OLA1: variants seen among roughly 807,000 people sequenced by gnomAD.
OLA1 encodes Obg like ATPase 1.
OLA1 carries 14 observed loss-of-function variants against 48.4 expected under a neutral mutation model. The observed-to-expected ratio is 0.29, with a 90% CI of 0.19 to 0.45. OLA1 has a LOEUF of 0.45. Ranked by LOEUF, OLA1 falls within the 20% of genes least tolerant of loss-of-function variation. The probability of loss-of-function intolerance (pLI) is 1.00; values close to 1 mark genes in which losing one functional copy is unlikely to be tolerated. For synonymous variants in OLA1, 127 were observed against 150.4 expected (o/e 0.84, Z 1.14); for missense variants, 325 against 467.1 (o/e 0.70, Z 2.80).
At chr2:174,222,458 T>C (rs1488618792) in intron 4 of OLA1, among the ~76,000 whole-genome samples, 1 of 152,036 alleles carries the variant, frequency 6.6e-6, no homozygotes, top group Non-Finnish European at 1.5e-5. Context: ...ACCTAAACTC[T>C]ATTTTGTCAG....
chr2:174,082,172 T>C, intron 7 of OLA1, 108 bp from the exon 8 acceptor site: 1 of 1,227,260 alleles, frequency 8.1e-7, no homozygotes, highest in South Asian at 1.4e-5. Context: ...CACGGTTTTA[T>C]GATGCCATCT....
intron 4 of OLA1, among the ~76,000 whole-genome samples, chr2:174,144,862 G>A (rs921610889): frequency 6.9e-6 from 1 of 144,006 alleles, no homozygotes; most frequent in African/African-American, 2.6e-5. Flanking sequence ...GTGGGAGACT[G>A]CTTGAACCCG....
chr2:174,246,555 A>C (rs1302041605), intron 2 of OLA1, among the ~76,000 whole-genome samples, 160 bp downstream of exon 2: 3 of 152,184 alleles, frequency 2.0e-5, no homozygotes, highest in Non-Finnish European at 2.9e-5. Flanking sequence ...AAATCAATAA[A>C]ATACATCTAA....
At chr2:174,221,463 A>C (rs1688500460) in intron 4 of OLA1, among the ~76,000 whole-genome samples, 1 of 152,110 alleles carries the variant, frequency 6.6e-6, no homozygotes, top group South Asian at 2.1e-4. Context: ...CTGAAACCTT[A>C]TCAGGGAATC....
At chr2:174,173,254 T>C (rs527860887) in intron 4 of OLA1, among the ~76,000 whole-genome samples, 1 of 152,334 alleles carries the variant, frequency 6.6e-6, no homozygotes, top group African/African-American at 2.4e-5. Context: ...TTTAGTCATC[T>C]AATAAGAAGA....
chr2:174,092,800 T>C (rs1243667241), intron 7 of OLA1, among the ~76,000 whole-genome samples: 1 of 152,142 alleles, frequency 6.6e-6, no homozygotes, highest in East Asian at 1.9e-4. Context: ...AACTGTGAAG[T>C]GAAAATCACA....
At chr2:174,172,902 T>C (rs1687341192) in intron 4 of OLA1, among the ~76,000 whole-genome samples, 1 of 152,130 alleles carries the variant, frequency 6.6e-6, no homozygotes, top group South Asian at 2.1e-4. Context: ...CTGAGTTCAG[T>C]GCGATCTGGT....
At chr2:174,089,330 A>T (rs1685054785) in intron 7 of OLA1, among the ~76,000 whole-genome samples, 1 of 152,232 alleles carries the variant, frequency 6.6e-6, no homozygotes, top group Non-Finnish European at 1.5e-5. Flanking sequence ...AAGGACTTTG[A>T]AAATAAACGC....
chr2:174,143,189 G>A (rs896188009), intron 4 of OLA1, among the ~76,000 whole-genome samples: 1 of 152,156 alleles, frequency 6.6e-6, no homozygotes, highest in Non-Finnish European at 1.5e-5. Context: ...TACAATTAAA[G>A]TATAGGTATG....
chr2:174,104,191 C>T (rs1044912295), intron 7 of OLA1, among the ~76,000 whole-genome samples: 1 of 151,368 alleles, frequency 6.6e-6, no homozygotes, highest in South Asian at 2.1e-4. Context: ...TACTTAATTA[C>T]CCGAAGGACA....
At chr2:174,228,396 G>A (rs1688658668) in intron 3 of OLA1, among the ~76,000 whole-genome samples, 1 of 152,006 alleles carries the variant, frequency 6.6e-6, no homozygotes, top group Admixed American at 6.6e-5. Context: ...AGTAAAACAA[G>A]TATTCTATTT....
chr2:174,183,405 G>C (rs1687590516), intron 4 of OLA1, among the ~76,000 whole-genome samples: 1 of 152,184 alleles, frequency 6.6e-6, no homozygotes, highest in African/African-American at 2.4e-5. Context: ...CTAGGGCAGA[G>C]AAAACAGGTG....
intron 1 of OLA1, chr2:174,247,775 T>C (rs1689159375): frequency 6.4e-7 from 1 of 1,550,534 alleles, no homozygotes; most frequent in African/African-American, 1.4e-5. Context: ...GGTTACTATT[T>C]CTAATGGTAA....
chr2:174,130,350 G>A (rs567368599), intron 5 of OLA1, among the ~76,000 whole-genome samples: 7 of 152,316 alleles, frequency 4.6e-5, no homozygotes, highest in South Asian at 2.1e-4. Flanking sequence ...ATGACTATGC[G>A]TGTATGGGGG....
At chr2:174,175,674 A>T (rs943607490) in intron 4 of OLA1, among the ~76,000 whole-genome samples, 1 of 152,070 alleles carries the variant, frequency 6.6e-6, no homozygotes, top group Non-Finnish European at 1.5e-5. Context: ...TTATAAAGCT[A>T]AACATACAGT....
At chr2:174,240,613 A>G (rs1344435225) in intron 2 of OLA1, among the ~76,000 whole-genome samples, 1 of 152,224 alleles carries the variant, frequency 6.6e-6, no homozygotes, top group African/African-American at 2.4e-5. Flanking sequence ...ATCCAATAAC[A>G]TATGGAAAGA....
intron 2 of OLA1, among the ~76,000 whole-genome samples, chr2:174,233,563 T>C (rs928446074): frequency 1.3e-5 from 2 of 152,108 alleles, no homozygotes; most frequent in African/African-American, 2.4e-5. Context: ...TTAGTAGAGA[T>C]GGGGTTTTGC....
intron 3 of OLA1, among the ~76,000 whole-genome samples, chr2:174,227,918 T>A (rs1688650301): frequency 6.6e-6 from 1 of 152,200 alleles, no homozygotes; most frequent in Admixed American, 6.5e-5. Context: ...GTATATACTT[T>A]GTAATTAGAA....
chr2:174,114,602 C>T (rs1260991028), intron 7 of OLA1, among the ~76,000 whole-genome samples: 2 of 152,032 alleles, frequency 1.3e-5, no homozygotes, highest in Non-Finnish European at 1.5e-5. Context: ...TGGATTAAAT[C>T]CAACAACATT....
Sources: allele counts gnomAD v4.1 joint callset (sites outside exome capture counted in the v4.1 genomes callset), GRCh38; gene constraint gnomAD v4.1.1; transcripts MANE v1.5; gene names NCBI Gene and HGNC (gene_info 2026-07-23, HGNC 2026-07-21).